DGKI: variants seen among roughly 807,000 people sequenced by gnomAD.
The protein encoded by DGKI is DAG kinase iota.
Under a neutral mutation model 147.5 loss-of-function variants are expected in DGKI, and 55 were observed. The observed-to-expected ratio is 0.37, with a 90% confidence interval of 0.30 to 0.47. The LOEUF is 0.47. Ranked by LOEUF, DGKI falls within the 20% of genes least tolerant of loss-of-function variation. The probability of loss-of-function intolerance (pLI) is 1.00; values close to 1 mark genes in which losing one functional copy is unlikely to be tolerated. For synonymous variants in DGKI, 469 were observed against 477.1 expected (o/e 0.98, Z 0.22); for missense variants, 1,007 against 1,323.8 (o/e 0.76, Z 3.71).
chr7:137,710,281 T>C (rs928964983), intron 1 of DGKI, among the ~76,000 whole-genome samples: 24 of 152,092 alleles, frequency 1.6e-4, no homozygotes, highest in African/African-American at 5.6e-4. Flanking sequence ...ACAAGCTAAT[T>C]CTAAAATTTA....
chr7:137,492,556 C>G (rs1039624063), intron 21 of DGKI, among the ~76,000 whole-genome samples: 5 of 152,090 alleles, frequency 3.3e-5, no homozygotes, highest in Admixed American at 2.0e-4. Flanking sequence ...CTTATAGAAT[C>G]CTGGCAGGAG....
chr7:137,538,187 T>A (rs1284079706), intron 20 of DGKI, among the ~76,000 whole-genome samples: 4 of 152,228 alleles, frequency 2.6e-5, no homozygotes, highest in Non-Finnish European at 1.5e-5. Flanking sequence ...TCTTCAATTG[T>A]GAAGATCAAA....
chr7:137,689,803 GC>G, intron 2 of DGKI, 90 bp downstream of exon 2: 6 of 877,770 alleles, frequency 6.8e-6, no homozygotes, highest in Non-Finnish European at 9.9e-6. Context: ...AAATTATTAA[GC>G]AAGTCTTCCT....
At chr7:137,649,431 A>G (rs1249175331) in intron 5 of DGKI, among the ~76,000 whole-genome samples, 1 of 152,188 alleles carries the variant, frequency 6.6e-6, no homozygotes, top group African/African-American at 2.4e-5. Flanking sequence ...CTAACACCAT[A>G]AAACCTTTTT....
At chr7:137,474,833 A>T (rs1026454741) in intron 23 of DGKI, among the ~76,000 whole-genome samples, 2 of 152,158 alleles carry the variant, frequency 1.3e-5, no homozygotes, top group Non-Finnish European at 2.9e-5. Flanking sequence ...CAGCTTTGAG[A>T]GGCACGACAA....
chr7:137,439,630 C>G (rs558421305), intron 28 of DGKI, among the ~76,000 whole-genome samples: 12 of 152,196 alleles, frequency 7.9e-5, no homozygotes, highest in Non-Finnish European at 1.6e-4. Context: ...GGTGGGGACA[C>G]AGCCAAACCA....
chr7:137,452,465 A>C (rs1814008336), intron 27 of DGKI, among the ~76,000 whole-genome samples: 1 of 152,222 alleles, frequency 6.6e-6, no homozygotes, highest in Non-Finnish European at 1.5e-5. Context: ...CACCCTACAC[A>C]GCACACTACA....
At chr7:137,761,026 A>G (rs1795841961) in intron 1 of DGKI, among the ~76,000 whole-genome samples, 1 of 152,132 alleles carries the variant, frequency 6.6e-6, no homozygotes. Context: ...CAGCATCGAA[A>G]CACAATTTCC....
At chr7:137,739,684 G>A (rs1235291915) in intron 1 of DGKI, among the ~76,000 whole-genome samples, 1 of 152,144 alleles carries the variant, frequency 6.6e-6, no homozygotes, top group Non-Finnish European at 1.5e-5. Context: ...CTATAAAAGG[G>A]TTTAGCGAAT....
chr7:137,442,142 G>A (rs997176), intron 28 of DGKI, among the ~76,000 whole-genome samples: 12,154 of 152,110 alleles, frequency 0.08, 1,336 homozygotes, highest in African/African-American at 0.25. Flanking sequence ...AACAAACTAA[G>A]AGGTATGAAC....
intron 1 of DGKI, among the ~76,000 whole-genome samples, chr7:137,752,992 C>T (rs1795554740): frequency 6.6e-6 from 1 of 152,076 alleles, no homozygotes; most frequent in African/African-American, 2.4e-5. Flanking sequence ...CAGCCAGTAT[C>T]ACTCACAAAC....
At chr7:137,659,268 T>C (rs6948268) in intron 3 of DGKI, among the ~76,000 whole-genome samples, 3 of 152,036 alleles carry the variant, frequency 2.0e-5, no homozygotes, top group Admixed American at 6.5e-5. Context: ...TGAATAAAGG[T>C]CCCAGGTCTT....
chr7:137,470,019 T>C (rs1234043427), intron 23 of DGKI, among the ~76,000 whole-genome samples: 1 of 152,168 alleles, frequency 6.6e-6, no homozygotes, highest in East Asian at 1.9e-4. Context: ...AAACGTTATC[T>C]ACTGGCCACA....
chr7:137,662,454 G>A (rs1368356594), intron 3 of DGKI, among the ~76,000 whole-genome samples: 2 of 151,964 alleles, frequency 1.3e-5, no homozygotes, highest in Admixed American at 6.6e-5. Context: ...TGTGTTAGCC[G>A]GGATGGTCTC....
At chr7:137,457,699 C>T (rs1814259265) in intron 27 of DGKI, among the ~76,000 whole-genome samples, 1 of 152,078 alleles carries the variant, frequency 6.6e-6, no homozygotes, top group African/African-American at 2.4e-5. Flanking sequence ...TTTCCTTGAG[C>T]ACACATAGCA....
At position 137,719,242 on chromosome 7, in the gene DGKI, G is replaced by A. The variant is rs558018460; in HGVS notation, c.402-29240C>T. On this transcript the variant is annotated intron_variant, in intron 1 of 32. Coordinates refer to ENST00000614521, the MANE Select transcript of DGKI (RefSeq NM_001321708.2). ...AGCCACAAAGGGCAGTGAGGGGCATGTTCTGCTTCAAGTCCCCTCCACAGC... is the reference window on the plus strand; with the variant it reads ...AGCCACAAAGGGCAGTGAGGGGCATATTCTGCTTCAAGTCCCCTCCACAGC... Among the ~76,000 whole-genome samples the A allele has an allele frequency of 2.9e-4, 44 of 152,214 alleles. 1 individual carries two copies. The highest frequency in any genetic ancestry group is 1.1e-3 in the African/African-American group (44 of 41,552).
chr7:137,775,278 T>C (rs887822682), intron 1 of DGKI, among the ~76,000 whole-genome samples: 4 of 152,152 alleles, frequency 2.6e-5, no homozygotes, highest in Non-Finnish European at 5.9e-5. Context: ...AGGACCGTAA[T>C]GAAACAAGGA....
chr7:137,771,234 GT>G (rs1796186131), intron 1 of DGKI, among the ~76,000 whole-genome samples: 1 of 152,082 alleles, frequency 6.6e-6, no homozygotes, highest in South Asian at 2.1e-4. Flanking sequence ...AGGATCACAG[GT>G]GCGTGCCACC....
intron 10 of DGKI, among the ~76,000 whole-genome samples, chr7:137,607,284 C>T (rs1426099116): frequency 6.6e-6 from 1 of 152,212 alleles, no homozygotes; most frequent in Non-Finnish European, 1.5e-5. Flanking sequence ...TTAGAAGTCA[C>T]ATGCAGTTAA....
Sources: gnomAD v4.1 joint callset for allele counts (sites outside exome capture counted in the v4.1 genomes callset) on GRCh38, gnomAD v4.1.1 for gene constraint, MANE v1.5 for transcripts, NCBI Gene and HGNC (gene_info 2026-07-23, HGNC 2026-07-21) for gene names.